Variants in ELP4 observed in about 807,000 individuals in gnomAD.
ELP4 encodes the protein elongator acetyltransferase complex subunit 4.
In ELP4, 51 loss-of-function variants were observed where a neutral mutation model predicts 48.9. The observed-to-expected ratio is 1.04, with a 90% CI of 0.83 to 1.32. The LOEUF (loss-of-function observed/expected upper bound fraction) is 1.32. Ranked by LOEUF, ELP4 falls within the 40% of genes most tolerant of loss-of-function variation. The probability of loss-of-function intolerance (pLI) is 0.00; values close to 1 mark genes in which losing one functional copy is unlikely to be tolerated. For missense variants in ELP4, 519 were observed against 514.6 expected (o/e 1.01, Z -0.08); for synonymous variants, 210 against 189.2 (o/e 1.11, Z -0.90).
At chr11:31,559,403 T>G (rs1956979263) in intron 3 of ELP4, among the ~76,000 whole-genome samples, 1 of 152,220 alleles carries the variant, frequency 6.6e-6, no homozygotes, top group Non-Finnish European at 1.5e-5. Context: ...TCTTACAGTT[T>G]GGCTACATGT....
At position 31,787,058 on chromosome 11, in the gene ELP4, A is replaced by G. The variant is rs1408030726; in HGVS notation, c.*3534A>G. On this transcript the variant is annotated 3_prime_UTR_variant, in exon 10 of 10. Coordinates refer to ENST00000640961, the MANE Select transcript of ELP4 (RefSeq NM_019040.5). ...AACAAAAATTATTTCAACAATGAGT[A>G]AAAGGCCAACTCCCAGGCACTGCTA... is the stretch of plus-strand genomic sequence containing the variant. The G allele has an allele frequency of 1.7e-5, 4 of 228,738 alleles. No individual in the cohort carries two copies. 14.2% of individuals were successfully genotyped at this position (228,738 alleles called of 1,614,324 possible).
chr11:31,530,279 G>A (rs1956371714), intron 2 of ELP4, among the ~76,000 whole-genome samples: 1 of 152,108 alleles, frequency 6.6e-6, no homozygotes, highest in Admixed American at 6.6e-5. Flanking sequence ...GATGAGAAAA[G>A]GAAGATTTGG....
At chr11:31,553,048 C>T (rs556379631) in intron 3 of ELP4, among the ~76,000 whole-genome samples, 4 of 152,254 alleles carry the variant, frequency 2.6e-5, no homozygotes, top group African/African-American at 7.2e-5. Flanking sequence ...AATGTTACAA[C>T]GTCCTACTCC....
At position 31,614,926 on chromosome 11, in the gene ELP4, G is replaced by A. The variant is rs1317991144; in HGVS notation, c.653+11019G>A. ...AACTGAATACAACAGGTGATTCTAA[G>A]CTATTTCGTTTTGCTGTATAGGATG... On this transcript the variant is annotated intron_variant, in intron 5 of 9. Coordinates refer to ENST00000640961, the MANE Select transcript of ELP4 (RefSeq NM_019040.5). Among the ~76,000 whole-genome samples, 4 of 152,130 alleles carry A rather than the reference G, an allele frequency of 2.6e-5. No individual in the cohort carries two copies. The East Asian group carries it at 7.7e-4, about 29-fold the overall frequency.
intron 3 of ELP4, among the ~76,000 whole-genome samples, chr11:31,550,062 C>G (rs886532040): frequency 6.6e-6 from 1 of 151,900 alleles, no homozygotes; most frequent in South Asian, 2.1e-4. Context: ...GTGCAGCGCA[C>G]CAGCATGTCA....
At chr11:31,635,606 TAGTCA>T (rs1437946617) in intron 7 of ELP4, among the ~76,000 whole-genome samples, 6 of 151,998 alleles carry the variant, frequency 3.9e-5, no homozygotes, top group African/African-American at 1.4e-4. Context: ...TTCATAGTCT[TAGTCA>T]AGTCTTAATT....
chr11:31,697,135 A>G (rs372030538), intron 9 of ELP4, among the ~76,000 whole-genome samples: 1 of 152,156 alleles, frequency 6.6e-6, no homozygotes, highest in South Asian at 2.1e-4. Context: ...TATGCACCCA[A>G]TACAGGAGCA....
intron 9 of ELP4, among the ~76,000 whole-genome samples, chr11:31,711,945 A>G (rs567488407): frequency 6.6e-6 from 1 of 152,128 alleles, no homozygotes; most frequent in Admixed American, 6.6e-5. Context: ...GGCATTTTAC[A>G]TTTTTATTAA....
chr11:31,657,905 T>A (rs1348586009), intron 9 of ELP4, among the ~76,000 whole-genome samples: 1 of 152,066 alleles, frequency 6.6e-6, no homozygotes, highest in Admixed American at 6.6e-5. Flanking sequence ...CTAGGACTAC[T>A]GCAAGTGCTT....
At chr11:31,534,132 G>A (rs555323511) in intron 2 of ELP4, among the ~76,000 whole-genome samples, 4 of 152,232 alleles carry the variant, frequency 2.6e-5, no homozygotes, top group East Asian at 3.9e-4. Context: ...CACGGTACCC[G>A]GCCAGTTAAG....
At chr11:31,596,278 G>A (rs534772992) in intron 4 of ELP4, among the ~76,000 whole-genome samples, 29 of 152,100 alleles carry the variant, frequency 1.9e-4, no homozygotes, top group Admixed American at 5.9e-4. Context: ...GGTGGCGGGC[G>A]CCTGTAATAC....
chr11:31,671,731 T>C (rs1324559164), intron 9 of ELP4, among the ~76,000 whole-genome samples: 1 of 152,146 alleles, frequency 6.6e-6, no homozygotes, highest in Non-Finnish European at 1.5e-5. Context: ...CAACAACCTT[T>C]ATAATGGCAC....
chr11:31,687,832 A>G (rs1219467617), intron 9 of ELP4: 1 of 152,214 alleles, frequency 6.6e-6, no homozygotes, highest in Non-Finnish European at 1.5e-5. Flanking sequence ...TAATCATTCT[A>G]TAATACTTTA....
chr11:31,723,692 A>G (rs1470237120), intron 9 of ELP4, among the ~76,000 whole-genome samples: 4 of 152,342 alleles, frequency 2.6e-5, no homozygotes, highest in Admixed American at 1.3e-4. Context: ...ACCCAAGATC[A>G]CTGTGTGGTA....
At chr11:31,629,837 G>C (rs1592172997) in intron 6 of ELP4, among the ~76,000 whole-genome samples, 1 of 128,644 alleles carries the variant, frequency 7.8e-6, no homozygotes, top group Admixed American at 8.4e-5. Flanking sequence ...TAACATGTTT[G>C]TTATCATGAG....
intron 3 of ELP4, among the ~76,000 whole-genome samples, chr11:31,586,220 T>C (rs924473311): frequency 4.6e-5 from 7 of 152,176 alleles, no homozygotes; most frequent in Admixed American, 4.6e-4. Flanking sequence ...TGCGTGAAGT[T>C]TTACCACTGT....
At chr11:31,734,439 A>G (rs570687675) in intron 9 of ELP4, among the ~76,000 whole-genome samples, 1 of 152,326 alleles carries the variant, frequency 6.6e-6, no homozygotes, top group Admixed American at 6.5e-5. Context: ...GTTTAAGATG[A>G]CATCTTATAT....
intron 4 of ELP4, chr11:31,600,302 C>T (rs904264058): frequency 1.3e-5 from 2 of 152,168 alleles, no homozygotes; most frequent in Admixed American, 1.3e-4. Flanking sequence ...TCCTGACTCA[C>T]TCCATGAATT....
intron 4 of ELP4, among the ~76,000 whole-genome samples, chr11:31,602,020 A>G (rs1407283326): frequency 6.6e-6 from 1 of 152,040 alleles, no homozygotes; most frequent in African/African-American, 2.4e-5. Context: ...GTGCCCCAGG[A>G]TTCTCAAAGA....
Sources: gnomAD v4.1 joint callset for allele counts (sites outside exome capture counted in the v4.1 genomes callset) on GRCh38, gnomAD v4.1.1 for gene constraint, MANE v1.5 for transcripts, NCBI Gene and HGNC (gene_info 2026-07-23, HGNC 2026-07-21) for gene names.